Variants in OXSR1 observed in about 807,000 individuals in gnomAD.
OXSR1 encodes oxidative stress responsive kinase 1.
A neutral mutation model predicts 79.8 loss-of-function variants in OXSR1; 24 were observed. That is an observed-to-expected ratio of 0.30 (90% CI 0.22 to 0.42). The LOEUF (loss-of-function observed/expected upper bound fraction) is 0.42. Ranked by LOEUF, OXSR1 falls within the 10% of genes least tolerant of loss-of-function variation. OXSR1 has a pLI of 1.00. For synonymous variants in OXSR1, 226 were observed against 209.2 expected (o/e 1.08, Z -0.69); for missense variants, 430 against 618.4 (o/e 0.70, Z 3.23).
Position 38,254,018 on chromosome 3 carries a change from T to C in OXSR1, c.*1127T>C. 2.5e-6 allele frequency: 1 copy of C among 395,074 alleles called. No individual in the cohort carries two copies. Among genetic ancestry groups the C allele is most frequent in the Non-Finnish European group, 4.5e-6 (1 of 224,128 alleles). The allele number at this position is 395,074 out of a possible 1,614,324, so 24.5% of individuals were successfully genotyped here. On this transcript the variant is annotated 3_prime_UTR_variant, in exon 18 of 18. Transcript: ENST00000311806. Reference sequence around the variant, plus strand: ...CTACAGAAATAATATAAATTATTCTTTAGGTTTAAAAAAGAGCACTCATAA... The same window carrying C: ...CTACAGAAATAATATAAATTATTCTCTAGGTTTAAAAAAGAGCACTCATAA...
chr3:38,207,215 G>A (rs1366196484), intron 4 of OXSR1, among the ~76,000 whole-genome samples: 2 of 152,184 alleles, frequency 1.3e-5, no homozygotes, highest in East Asian at 3.9e-4. Flanking sequence ...ACAGAAACAG[G>A]CAATGGACTG....
At chr3:38,169,392 G>A (rs1335538612) in intron 1 of OXSR1, among the ~76,000 whole-genome samples, 3 of 151,886 alleles carry the variant, frequency 2.0e-5, no homozygotes, top group Non-Finnish European at 4.4e-5. Context: ...TGCAACCTCT[G>A]TCTCTTGAGT....
At chr3:38,251,892 C>G (rs936702989) in intron 16 of OXSR1, among the ~76,000 whole-genome samples, 14 of 152,180 alleles carry the variant, frequency 9.2e-5, no homozygotes, top group African/African-American at 3.4e-4. Context: ...AGGAAAAGAC[C>G]ATGTCCTTAG....
Sources: allele counts gnomAD v4.1 joint callset (sites outside exome capture counted in the v4.1 genomes callset), GRCh38; gene constraint gnomAD v4.1.1; transcripts MANE v1.5; gene names NCBI Gene and HGNC (gene_info 2026-07-23, HGNC 2026-07-21).